Variants in ELOVL5 observed in about 807,000 individuals in gnomAD.
The protein encoded by ELOVL5 is very long chain fatty acid elongase 5.
In ELOVL5, 8 loss-of-function variants were observed where a neutral mutation model predicts 38.6. The observed-to-expected ratio is 0.21, with a 90% CI of 0.12 to 0.37. The LOEUF is 0.37. Ranked by LOEUF, ELOVL5 falls within the 10% of genes least tolerant of loss-of-function variation. The probability of loss-of-function intolerance (pLI) is 1.00; values close to 1 mark genes in which losing one functional copy is unlikely to be tolerated. For synonymous variants in ELOVL5, 127 were observed against 133.7 expected, an observed-to-expected ratio of 0.95 and a Z score of 0.34; for missense variants, 280 against 367.8, an observed-to-expected ratio of 0.76 and a Z score of 1.95.
At chr6:53,293,318 C>T (rs1186738003) in intron 2 of ELOVL5, among the ~76,000 whole-genome samples, 1 of 151,930 alleles carries the variant, frequency 6.6e-6, no homozygotes, top group Non-Finnish European at 1.5e-5. Context: ...TTTTATTATT[C>T]ATTTATTTAT....
chr6:53,303,634 C>T (rs780674010), intron 1 of ELOVL5, among the ~76,000 whole-genome samples: 30 of 152,172 alleles, frequency 2.0e-4, no homozygotes, highest in African/African-American at 5.3e-4. Context: ...GTTAGCTCCA[C>T]GGCTGAAGAA....
intron 6 of ELOVL5, among the ~76,000 whole-genome samples, chr6:53,272,752 A>T (rs1038897006): frequency 4.6e-5 from 7 of 152,168 alleles, no homozygotes; most frequent in Non-Finnish European, 1.5e-5. Flanking sequence ...GCTCCACTGC[A>T]TGGGGGCTGA....
intron 3 of ELOVL5, among the ~76,000 whole-genome samples, chr6:53,285,334 T>G (rs1309993635): frequency 2.0e-5 from 3 of 152,184 alleles, no homozygotes; most frequent in Admixed American, 2.0e-4. Context: ...TAAGCCAAAA[T>G]CTAATCCAGA....
intron 1 of ELOVL5, among the ~76,000 whole-genome samples, chr6:53,322,654 T>A (rs1326417469): frequency 6.6e-6 from 1 of 152,182 alleles, no homozygotes; most frequent in Non-Finnish European, 1.5e-5. Flanking sequence ...AACTCCTACC[T>A]GGGCATTAAA....
At chr6:53,280,157 T>G (rs954322221) in intron 3 of ELOVL5, among the ~76,000 whole-genome samples, 1 of 152,230 alleles carries the variant, frequency 6.6e-6, no homozygotes, top group African/African-American at 2.4e-5. Context: ...CCCAGTAGGC[T>G]GGAGAAGGTG....
chr6:53,307,203 TA>T (rs541422235), intron 1 of ELOVL5, among the ~76,000 whole-genome samples: 141 of 152,336 alleles, frequency 9.3e-4, no homozygotes, highest in African/African-American at 2.8e-3. Flanking sequence ...TCTGCCACAG[TA>T]CAAATTAGTA....
rs75976696 is a variant in ELOVL5, at chr6:53,344,570, A to T, written c.-9+4247T>A. On this transcript the variant is annotated intron_variant, in intron 1 of 7. Transcript: ENST00000304434. ...GTGATCTGAGCTGGAATGCTTTGTG[A>T]CCCCAAATCAAGTGTCTAAACTCTG... 5.0e-4 allele frequency among the ~76,000 whole-genome samples: 76 copies of T among 152,216 alleles called. 1 individual carries two copies. Among genetic ancestry groups the T allele is most frequent in the African/African-American group, 1.7e-3 (70 of 41,504 alleles).
chr6:53,318,890 A>G (rs1768161639), intron 1 of ELOVL5, among the ~76,000 whole-genome samples: 1 of 152,246 alleles, frequency 6.6e-6, no homozygotes, highest in African/African-American at 2.4e-5. Flanking sequence ...CATGTAGGCA[A>G]CATAAAAATA....
At chr6:53,271,326 C>G (rs1025876256) in intron 6 of ELOVL5, among the ~76,000 whole-genome samples, 1 of 150,774 alleles carries the variant, frequency 6.6e-6, no homozygotes, top group African/African-American at 2.4e-5. Context: ...CCGAGGCTGG[C>G]GGATCACAAG....
At chr6:53,275,844 A>G (rs2057025) in intron 4 of ELOVL5, among the ~76,000 whole-genome samples, 55,306 of 152,052 alleles carry the variant, frequency 0.36, 11,177 homozygotes, top group African/African-American at 0.55. Flanking sequence ...TAACACCACT[A>G]CTCGGAAAAA....
intron 1 of ELOVL5, among the ~76,000 whole-genome samples, chr6:53,297,714 T>C (rs1035550185): frequency 8.5e-5 from 13 of 152,284 alleles, no homozygotes; most frequent in Admixed American, 2.0e-4. Flanking sequence ...CTATATATAA[T>C]ATAGTGTTTG....
intron 1 of ELOVL5, among the ~76,000 whole-genome samples, chr6:53,298,236 TG>T (rs1342539299): frequency 6.6e-6 from 1 of 152,114 alleles, no homozygotes; most frequent in Non-Finnish European, 1.5e-5. Context: ...AACAGCCAAA[TG>T]AAAGGAAATA....
chr6:53,301,953 A>T (rs1025771955), intron 1 of ELOVL5, among the ~76,000 whole-genome samples: 1 of 152,144 alleles, frequency 6.6e-6, no homozygotes, highest in African/African-American at 2.4e-5. Context: ...GGAGCAAGAG[A>T]GTGTGAGGGA....
intron 5 of ELOVL5, among the ~76,000 whole-genome samples, chr6:53,274,337 C>G (rs1225100207): frequency 6.7e-6 from 1 of 149,904 alleles, no homozygotes; most frequent in Non-Finnish European, 1.5e-5. Flanking sequence ...TTTTTTTTTT[C>G]CTAGCTCTGG....
At chr6:53,346,701 G>A (rs1769562372) in intron 1 of ELOVL5, among the ~76,000 whole-genome samples, 1 of 152,166 alleles carries the variant, frequency 6.6e-6, no homozygotes, top group Admixed American at 6.5e-5. Flanking sequence ...AGGCACCAAA[G>A]TTACCCTCAA....
intron 1 of ELOVL5, among the ~76,000 whole-genome samples, chr6:53,335,975 A>C (rs1008746134): frequency 3.9e-5 from 6 of 152,188 alleles, no homozygotes; most frequent in African/African-American, 1.4e-4. Flanking sequence ...CTAGCCCTGA[A>C]CCATCCACCC....
intron 1 of ELOVL5, among the ~76,000 whole-genome samples, chr6:53,298,837 C>T (rs1767125190): frequency 7.2e-6 from 1 of 138,662 alleles, no homozygotes; most frequent in Non-Finnish European, 1.5e-5. Flanking sequence ...TGACAACCCA[C>T]AATGTCCACT....
chr6:53,273,404 G>GT (rs1350295980), intron 5 of ELOVL5, 60 bp from the exon 6 acceptor site: 19 of 1,409,878 alleles, frequency 1.3e-5, no homozygotes, highest in Non-Finnish European at 1.7e-5. Flanking sequence ...AGAACAGGTG[G>GT]TAAAAAAAAA....
intron 1 of ELOVL5, among the ~76,000 whole-genome samples, chr6:53,339,720 T>C (rs1353540373): frequency 6.6e-6 from 1 of 152,216 alleles, no homozygotes; most frequent in Admixed American, 6.5e-5. Context: ...TTATGGACAG[T>C]ACATAATGCT....
Sources: gnomAD v4.1 joint callset for allele counts (sites outside exome capture counted in the v4.1 genomes callset) on GRCh38, gnomAD v4.1.1 for gene constraint, MANE v1.5 for transcripts, NCBI Gene and HGNC (gene_info 2026-07-23, HGNC 2026-07-21) for gene names.